FAT2: variants seen among roughly 807,000 people sequenced by gnomAD.
The protein encoded by FAT2 is protocadherin Fat 2.
FAT2 carries 150 observed loss-of-function variants against 295.3 expected under a neutral mutation model. The ratio of observed to expected loss-of-function variants is 0.51; its 90% CI spans 0.44 to 0.58. The LOEUF (loss-of-function observed/expected upper bound fraction) is 0.58. Among genes scored for constraint, FAT2 ranks in the 20% least tolerant of loss-of-function variants. The probability of loss-of-function intolerance (pLI) is 0.00; values close to 1 mark genes in which losing one functional copy is unlikely to be tolerated. For missense variants in FAT2, 4,868 were observed against 5,442.7 expected, an observed-to-expected ratio of 0.89 and a Z score of 3.32; for synonymous variants, 2,026 against 2,150.3, an observed-to-expected ratio of 0.94 and a Z score of 1.60.
Position 151,568,189 on chromosome 5 carries a change from G to A in FAT2, c.743C>T (p.Pro248Leu). 1 of 1,614,018 alleles carries A rather than the reference G, an allele frequency of 6.2e-7. No individual in the cohort carries two copies. Among genetic ancestry groups the A allele is most frequent in the South Asian group, 1.1e-5 (1 of 91,050 alleles). ...AATGGCTGGGGGCTTCCTGAGGGCA[G>A]GCTCCACATGAACCACAAGTGCAGC... ...SLAALVVHVE[P>L]ALRKPPAIAS... Residue 248 changes from proline to leucine, a missense_variant, in exon 2 of 24, where the codon CCT becomes CTT. Pro to Leu is a moderately conservative substitution (Grantham distance 98). Around this residue, in one of 5 missense-constraint regions of FAT2, gnomAD observed 3,297 missense variants for 3,669.4 expected, o/e 0.90. Transcript: ENST00000261800.
At chr5:151,564,718 T>G (rs1390241634) in intron 2 of FAT2, among the ~76,000 whole-genome samples, 1 of 152,178 alleles carries the variant, frequency 6.6e-6, no homozygotes, top group Non-Finnish European at 1.5e-5. Context: ...TGGAGAGCAA[T>G]TTGGAAATAC....
chr5:151,508,180 CT>C (rs1761042851), intron 22 of FAT2, among the ~76,000 whole-genome samples: 2 of 152,202 alleles, frequency 1.3e-5, no homozygotes, highest in South Asian at 4.1e-4. Context: ...GCTTTATCCA[CT>C]TTTGAGGGCT....
At chr5:151,581,272 G>A (rs115103958) in intron 1 of FAT2, among the ~76,000 whole-genome samples, 1,771 of 152,298 alleles carry the variant, frequency 0.012, 31 homozygotes, top group African/African-American at 0.039. Context: ...ATAAAGCGGT[G>A]GGCACAGTGC....
chr5:151,584,350 A>T lies in FAT2; in HGVS notation c.-21+6815T>A, dbSNP rs542744785. 5.9e-5 allele frequency among the ~76,000 whole-genome samples: 9 copies of T among 152,254 alleles called. No homozygotes were observed. The East Asian group carries it at 1.7e-3, about 29-fold the overall frequency. On this transcript the variant is annotated intron_variant, in intron 1 of 23. Transcript: ENST00000261800. ...GGGTTCCCAGGCTTAGCTGGGTTCC[A>T]GCTCATTGGGGCTTACTTCCTGCAG...
At chr5:151,574,926 A>G (rs909529712) in intron 1 of FAT2, among the ~76,000 whole-genome samples, 1 of 152,228 alleles carries the variant, frequency 6.6e-6, no homozygotes, top group African/African-American at 2.4e-5. Context: ...CTGGGCCTCA[A>G]CTTGCCTGTC....
chr5:151,524,484 C>T (rs1753795906), intron 18 of FAT2, among the ~76,000 whole-genome samples: 1 of 152,178 alleles, frequency 6.6e-6, no homozygotes, highest in Admixed American at 6.5e-5. Flanking sequence ...GAAGAGGGCA[C>T]TCACCAGAAC....
chr5:151,576,279 A>G (rs542861662), intron 1 of FAT2, among the ~76,000 whole-genome samples: 1 of 152,354 alleles, frequency 6.6e-6, no homozygotes, highest in African/African-American at 2.4e-5. Flanking sequence ...TATGTCCTCA[A>G]ATTATGTCTT....
intron 7 of FAT2, among the ~76,000 whole-genome samples, 183 bp from the exon 8 acceptor site, chr5:151,551,054 G>A (rs917524983): frequency 1.3e-5 from 2 of 152,186 alleles, no homozygotes; most frequent in African/African-American, 4.8e-5. Flanking sequence ...ATGCTGCACA[G>A]TCTAGTGTTT....
chr5:151,580,462 G>A (rs527951549), intron 1 of FAT2, among the ~76,000 whole-genome samples: 28 of 152,336 alleles, frequency 1.8e-4, no homozygotes, highest in Non-Finnish European at 3.8e-4. Flanking sequence ...TCGCTAATGG[G>A]TGGTTGTTAT....
At chr5:151,532,205 T>G (rs1229251595) in intron 13 of FAT2, among the ~76,000 whole-genome samples, 1 of 152,212 alleles carries the variant, frequency 6.6e-6, no homozygotes, top group African/African-American at 2.4e-5. Flanking sequence ...TCTATCAAAC[T>G]ATCCGAAAAT....
At chr5:151,517,801 A>G (rs754721939) in intron 19 of FAT2, 36 bp from the exon 20 acceptor site, 9 of 1,612,162 alleles carry the variant, frequency 5.6e-6, no homozygotes, top group Non-Finnish European at 6.8e-6. Flanking sequence ...CTCTACTTGA[A>G]GTGGTCCCCA....
At position 151,565,781 on chromosome 5, in the gene FAT2, C is replaced by G. The variant is rs753583873; in HGVS notation, c.3151G>C (p.Val1051Leu). 6.6e-5 allele frequency: 106 copies of G among 1,614,018 alleles called. No individual in the cohort carries two copies. The highest frequency in any genetic ancestry group is 8.3e-5 in the Non-Finnish European group (98 of 1,180,034). Residue 1051 changes from valine to leucine, a missense_variant, in exon 2 of 24, where the codon GTG (valine) becomes CTG (leucine). Val to Leu is a conservative substitution (Grantham distance 32). Transcript: ENST00000261800. Reference protein sequence around the residue: ...VQENSPSGTQVIVVAAQDDDS... With the variant: ...VQENSPSGTQLIVVAAQDDDS... ...TCGTCCTGGGCAGCCACTACAATCA[C>G]CTGAGTTCCCGAGGGGCTGTTCTCC...
In FAT2 at chr5:151,521,954, C is replaced by T; in HGVS notation, c.10639G>A (p.Gly3547Ser). 1 of 1,614,156 alleles carries T rather than the reference C, an allele frequency of 6.2e-7. No individual in the cohort carries two copies. The highest frequency in any genetic ancestry group is 8.5e-7 in the Non-Finnish European group (1 of 1,180,038). Residue 3547 changes from glycine to serine, a missense_variant, in exon 19 of 24, where the codon GGT (glycine) becomes AGT (serine). Around this residue, in one of 5 missense-constraint regions of FAT2, gnomAD observed 1,046 missense variants for 1,210.1 expected, o/e 0.86. Coordinates refer to ENST00000261800, the MANE Select transcript of FAT2 (RefSeq NM_001447.3). ...FITVGEDEFQ[G>S]GMVGKIHATD... ...GCATGGATCTTACCCACCATGCCACCCTGGAACTCATCCTCTCCAACAGTG... is the reference window on the plus strand; with the variant it reads ...GCATGGATCTTACCCACCATGCCACTCTGGAACTCATCCTCTCCAACAGTG...
Position 151,567,216 on chromosome 5 carries a change from A to G in FAT2, c.1716T>C (p.Ser572=). ...TCCCTACTGGCCAGTCTTGGCGGAT[A>G]GACCCTGTACAGTTGACTTCTTCAA... ...PMFEEVNCTG[S]IRQDWPVGKS... The change falls in exon 2 of 24, where the codon TCT becomes TCC. Residue 572 remains serine, a synonymous_variant. Coordinates refer to ENST00000261800, the MANE Select transcript of FAT2 (RefSeq NM_001447.3). The G allele has an allele frequency of 6.2e-7, 1 of 1,614,248 alleles. No homozygotes were observed. Among genetic ancestry groups the G allele is most frequent in the Non-Finnish European group, 8.5e-7 (1 of 1,180,040 alleles).
chr5:151,523,071 C>T (rs141511560), intron 18 of FAT2, among the ~76,000 whole-genome samples: 180 of 152,306 alleles, frequency 1.2e-3, no homozygotes, highest in Middle Eastern at 3.4e-3. Flanking sequence ...CAGCTGTCAA[C>T]GAGGGTCTCC....
chr5:151,532,384 TACAA>T (rs1221970690), intron 13 of FAT2, among the ~76,000 whole-genome samples: 2 of 72,396 alleles, frequency 2.8e-5, no homozygotes, highest in East Asian at 7.0e-4. Flanking sequence ...AGTGTGCGTG[TACAA>T]ACACACACAC....
In FAT2 at chr5:151,531,092, G is replaced by T. The variant is rs1343446085; in HGVS notation, c.9811+495C>A. On this transcript the variant is annotated intron_variant, in intron 14 of 23. Coordinates refer to ENST00000261800, the MANE Select transcript of FAT2 (RefSeq NM_001447.3). The surrounding 1 kb of genome is among the most constrained non-coding windows in gnomAD (Gnocchi z 5.7). ...GTCTTCTGTGGCTAGTAGGAAAGAA[G>T]TGAGACGGTTTCCTAGTTCTCTCTC... 1.4e-4 allele frequency among the ~76,000 whole-genome samples: 22 copies of T among 152,146 alleles called. No homozygotes were observed. The highest frequency in any genetic ancestry group is 1.4e-3 in the Admixed American group (22 of 15,276).
chr5:151,561,665 G>A (rs28556596), intron 3 of FAT2, among the ~76,000 whole-genome samples: 7,184 of 152,210 alleles, frequency 0.047, 400 homozygotes, highest in African/African-American at 0.14. Context: ...TGCTGGGATC[G>A]CAGGTGTGAG....
At chr5:151,572,091 C>T (rs1215043618) in intron 1 of FAT2, among the ~76,000 whole-genome samples, 7 of 152,194 alleles carry the variant, frequency 4.6e-5, no homozygotes, top group Non-Finnish European at 1.0e-4. Flanking sequence ...GACTTCCTGT[C>T]AATTCCCCTC....
Sources: allele counts gnomAD v4.1 joint callset (sites outside exome capture counted in the v4.1 genomes callset), GRCh38; gene constraint gnomAD v4.1.1; regional missense constraint gnomAD v4.1.1; non-coding constraint Gnocchi (gnomAD v3.1); transcripts MANE v1.5; gene names NCBI Gene and HGNC (gene_info 2026-07-23, HGNC 2026-07-21).